The following MTHFD2L variants were observed in gnomAD, a reference collection of about 807,000 sequenced individuals.
MTHFD2L encodes bifunctional methylenetetrahydrofolate dehydrogenase/cyclohydrolase 2, mitochondrial.
In MTHFD2L, 29 loss-of-function variants were observed where a neutral mutation model predicts 34.9. The ratio of observed to expected loss-of-function variants is 0.83; its 90% CI spans 0.62 to 1.13. The LOEUF is 1.13. Ranked by LOEUF, MTHFD2L falls within the 50% of genes most tolerant of loss-of-function variation. MTHFD2L has a pLI of 0.00. For missense variants in MTHFD2L, 481 were observed against 446.5 expected, an observed-to-expected ratio of 1.08 and a Z score of -0.70; for synonymous variants, 167 against 155.7, an observed-to-expected ratio of 1.07 and a Z score of -0.54.
intron 6 of MTHFD2L, among the ~76,000 whole-genome samples, chr4:74,256,263 C>T (rs1283142560): frequency 6.6e-6 from 1 of 152,112 alleles, no homozygotes; most frequent in Non-Finnish European, 1.5e-5. Flanking sequence ...GCGCATGCCA[C>T]CACACCCAGC....
intron 7 of MTHFD2L, among the ~76,000 whole-genome samples, chr4:74,286,021 C>A (rs2110292314): frequency 6.6e-6 from 1 of 152,242 alleles, no homozygotes; most frequent in South Asian, 2.1e-4. Flanking sequence ...GCCTTTCCTG[C>A]AATGCCATGC....
chr4:74,165,759 C>CTAT (rs1296883751), intron 1 of MTHFD2L, among the ~76,000 whole-genome samples: 1 of 152,192 alleles, frequency 6.6e-6, no homozygotes, highest in Non-Finnish European at 1.5e-5. Context: ...GGTACTGTCT[C>CTAT]TATAGATGCT....
rs1001618371 is a variant in MTHFD2L at position 74,249,481 on chromosome 4, A to G, written c.805+24087A>G. Among the ~76,000 whole-genome samples the G allele has an allele frequency of 5.9e-5, 9 of 152,052 alleles. No homozygotes were observed. The East Asian group carries it at 1.7e-3, about 29-fold the overall frequency. The stretch of plus-strand genomic sequence containing the variant: ...TAGTTGGAGCATTTAGTCCATTTAC[A>G]TTTAAAGTTAATATTGTTATGTGTG... On this transcript the variant is annotated intron_variant, in intron 6 of 7. Transcript: ENST00000325278.
At chr4:74,295,058 C>T (rs1336692774) in intron 7 of MTHFD2L, among the ~76,000 whole-genome samples, 4 of 152,024 alleles carry the variant, frequency 2.6e-5, no homozygotes, top group Non-Finnish European at 4.4e-5. Flanking sequence ...AATGATCACT[C>T]CTAAATATGT....
At chr4:74,301,137 G>T (rs1750260944) in intron 7 of MTHFD2L, among the ~76,000 whole-genome samples, 1 of 151,992 alleles carries the variant, frequency 6.6e-6, no homozygotes, top group African/African-American at 2.4e-5. Context: ...ATTGCAAGCT[G>T]GGGACCATCT....
chr4:74,144,677 C>T (rs1723482557), intron 1 of MTHFD2L, among the ~76,000 whole-genome samples: 1 of 152,166 alleles, frequency 6.6e-6, no homozygotes, highest in South Asian at 2.1e-4. Flanking sequence ...CACCTCCCCA[C>T]TTTTAATAAC....
At chr4:74,279,185 T>C (rs1001834161) in intron 6 of MTHFD2L, among the ~76,000 whole-genome samples, 3 of 152,048 alleles carry the variant, frequency 2.0e-5, no homozygotes, top group Non-Finnish European at 2.9e-5. Flanking sequence ...AATTAATTAG[T>C]TCATATGGCT....
At chr4:74,289,364 G>A (rs1043731322) in intron 7 of MTHFD2L, among the ~76,000 whole-genome samples, 5 of 152,162 alleles carry the variant, frequency 3.3e-5, no homozygotes, top group African/African-American at 1.2e-4. Flanking sequence ...CTTGAGGGGG[G>A]CCTGGCTGGC....
At chr4:74,281,650 T>C (rs1429082688) in intron 7 of MTHFD2L, 100 bp downstream of exon 7, 9 of 1,173,176 alleles carry the variant, frequency 7.7e-6, no homozygotes, top group Non-Finnish European at 1.1e-5. Context: ...AATTATTAAC[T>C]TATTAATCAT....
At chr4:74,276,375 A>G (rs2110261049) in intron 6 of MTHFD2L, among the ~76,000 whole-genome samples, 1 of 152,254 alleles carries the variant, frequency 6.6e-6, no homozygotes, top group South Asian at 2.1e-4. Context: ...AAGCTATGTG[A>G]GCATAGATGG....
intron 7 of MTHFD2L, 131 bp downstream of exon 7, chr4:74,281,681 A>G (rs1747507499): frequency 5.6e-6 from 5 of 889,636 alleles, no homozygotes; most frequent in South Asian, 2.0e-5. Context: ...TTCTGAGGGA[A>G]AAGATTTTAA....
chr4:74,298,055 T>G (rs1015418496), intron 7 of MTHFD2L, among the ~76,000 whole-genome samples: 5 of 152,008 alleles, frequency 3.3e-5, no homozygotes, highest in African/African-American at 4.8e-5. Flanking sequence ...CTCATGAAAA[T>G]CAAATCAAAA....
chr4:74,227,556 T>C (rs1289666073), intron 6 of MTHFD2L, among the ~76,000 whole-genome samples: 1 of 151,724 alleles, frequency 6.6e-6, no homozygotes, highest in Non-Finnish European at 1.5e-5. Flanking sequence ...GGCAGGAGCA[T>C]GCTTGATGTA....
At chr4:74,174,216 A>G (rs1240751938) in intron 1 of MTHFD2L, among the ~76,000 whole-genome samples, 1 of 152,154 alleles carries the variant, frequency 6.6e-6, no homozygotes, top group Non-Finnish European at 1.5e-5. Context: ...CTACCTCCTA[A>G]TACCATAACA....
At chr4:74,289,534 TGG>T (rs1299295031) in intron 7 of MTHFD2L, among the ~76,000 whole-genome samples, 1 of 152,178 alleles carries the variant, frequency 6.6e-6, no homozygotes. Context: ...TTGGAGGATG[TGG>T]GGCAAAGAAA....
chr4:74,175,229 A>G (rs1445203392), intron 2 of MTHFD2L, 52 bp from the exon 3 acceptor site: 2 of 1,587,740 alleles, frequency 1.3e-6, no homozygotes, highest in Non-Finnish European at 1.7e-6. Context: ...ACTATTGATG[A>G]AAAACCATAT....
At chr4:74,269,381 A>C (rs1012130091) in intron 6 of MTHFD2L, among the ~76,000 whole-genome samples, 2 of 152,078 alleles carry the variant, frequency 1.3e-5, no homozygotes, top group East Asian at 1.9e-4. Flanking sequence ...TCAATTTCAT[A>C]TGCTACTGAA....
rs1273138399 is a variant in MTHFD2L, at chr4:74,174,529, G to T, written c.167G>T (p.Gly56Val). 1.3e-6 allele frequency: 2 copies of T among 1,564,420 alleles called. No individual in the cohort carries two copies. Among genetic ancestry groups the T allele is most frequent in the East Asian group, 4.7e-5 (2 of 42,564 alleles). The change falls in exon 2 of 8, where the codon GGA (glycine) becomes GTA (valine). Residue 56 changes from glycine to valine, a missense_variant. Physicochemically the swap from Gly to Val is moderately radical, Grantham distance 109. Coordinates refer to ENST00000325278, the MANE Select transcript of MTHFD2L (RefSeq NM_001144978.3). Reference sequence around the variant, plus strand: ...AGACATGAAGCCATTATTATATCAGGAACCGAAATGGCCAAGCATATCCAG... The same window carrying T: ...AGACATGAAGCCATTATTATATCAGTAACCGAAATGGCCAAGCATATCCAG... ...GVRHEAIIIS[G>V]TEMAKHIQKE...
chr4:74,152,785 T>A (rs1008401708), intron 1 of MTHFD2L, among the ~76,000 whole-genome samples: 31 of 152,230 alleles, frequency 2.0e-4, no homozygotes, highest in African/African-American at 7.0e-4. Context: ...TTTGGTTTTC[T>A]GTTCCTGAAG....
Sources: allele counts gnomAD v4.1 joint callset (sites outside exome capture counted in the v4.1 genomes callset), GRCh38; gene constraint gnomAD v4.1.1; transcripts MANE v1.5; gene names NCBI Gene and HGNC (gene_info 2026-07-23, HGNC 2026-07-21).